The following RNF170 variants were observed in gnomAD, a reference collection of about 807,000 sequenced individuals.
The protein encoded by RNF170 is E3 ubiquitin-protein ligase RNF170.
Under a neutral mutation model 32.7 loss-of-function variants are expected in RNF170, and 12 were observed. The ratio of observed to expected loss-of-function variants is 0.37; its 90% confidence interval spans 0.24 to 0.60. The LOEUF (loss-of-function observed/expected upper bound fraction) is 0.60, where lower values mean the gene tolerates loss of function less well. Among genes scored for constraint, RNF170 ranks in the 20% least tolerant of loss-of-function variants. The pLI is 0.72. For missense variants in RNF170, 212 were observed against 311.2 expected, an observed-to-expected ratio of 0.68 and a Z score of 2.40; for synonymous variants, 91 against 103.6, an observed-to-expected ratio of 0.88 and a Z score of 0.74.
At chr8:42,889,516 C>G (rs1806119383) in intron 1 of RNF170, 2 of 151,988 alleles carry the variant, frequency 1.3e-5, no homozygotes, top group South Asian at 4.1e-4. Flanking sequence ...AAGTTTTATT[C>G]AATATCATCA....
intron 6 of RNF170, 66 bp from the exon 7 acceptor site, chr8:42,856,494 T>C: frequency 8.7e-7 from 1 of 1,150,150 alleles, no homozygotes; most frequent in Non-Finnish European, 1.3e-6. Flanking sequence ...AATAATATAA[T>C]TTTCTTACTA....
chr8:42,891,109 ACAGGCTCTAAACTGAAGCCCAAG>A (rs1385983990), intron 1 of RNF170, among the ~76,000 whole-genome samples: 2 of 152,202 alleles, frequency 1.3e-5, no homozygotes, highest in Non-Finnish European at 2.9e-5. Context: ...GTCCAACCAT[ACAGGCTCTAAACTGAAGCCCAAG>A]CAGTTGTTGC....
At chr8:42,873,336 T>C (rs908130619) in intron 3 of RNF170, among the ~76,000 whole-genome samples, 2 of 151,936 alleles carry the variant, frequency 1.3e-5, no homozygotes, top group South Asian at 2.1e-4. Flanking sequence ...GTTTGATCTA[T>C]AGGAAAGGAA....
At chr8:42,882,721 A>C (rs1805512127) in intron 2 of RNF170, among the ~76,000 whole-genome samples, 1 of 152,122 alleles carries the variant, frequency 6.6e-6, no homozygotes, top group Non-Finnish European at 1.5e-5. Flanking sequence ...GAACCATGGG[A>C]GTTGCTACTT....
chr8:42,869,410 CTAAG>C (rs1199838846), intron 4 of RNF170, among the ~76,000 whole-genome samples: 1 of 152,184 alleles, frequency 6.6e-6, no homozygotes, highest in Non-Finnish European at 1.5e-5. Context: ...CTTCCTGATA[CTAAG>C]TAAGTGTGAA....
chr8:42,853,338 T>C lies in RNF170; in HGVS notation c.*2821A>G, dbSNP rs1802997875. The C allele has an allele frequency of 2.4e-6, 3 of 1,230,158 alleles. No homozygotes were observed. In the South Asian group the frequency reaches 4.1e-5, roughly 17 times the overall value. The allele number at this position is 1,230,158 out of a possible 1,614,324, so 76.2% of individuals were successfully genotyped here. On this transcript the variant is annotated 3_prime_UTR_variant, in exon 7 of 7. Coordinates refer to ENST00000527424, the MANE Select transcript of RNF170 (RefSeq NM_030954.4). The stretch of plus-strand genomic sequence containing the variant: ...GTTGCTTTTATTCAAAAGAATAAAA[T>C]GCTTGACAAACTCTTTAATCACAAG...
intron 5 of RNF170, 55 bp downstream of exon 5, chr8:42,865,360 TA>T: frequency 7.2e-7 from 1 of 1,387,886 alleles, no homozygotes; most frequent in Non-Finnish European, 1.0e-6. Context: ...ACAAAAACTA[TA>T]AAAATGTACA....
intron 4 of RNF170, among the ~76,000 whole-genome samples, chr8:42,868,483 G>T (rs947098149): frequency 1.3e-5 from 2 of 152,162 alleles, no homozygotes; most frequent in African/African-American, 4.8e-5. Flanking sequence ...AAGTGGCTTC[G>T]AGTGTTTACT....
intron 2 of RNF170, among the ~76,000 whole-genome samples, chr8:42,887,332 CTAATA>C (rs1297005152): frequency 6.6e-6 from 1 of 151,998 alleles, no homozygotes; most frequent in Non-Finnish European, 1.5e-5. Flanking sequence ...AAAATTAATT[CTAATA>C]TTAGTTCCCT....
At position 42,869,053 on chromosome 8, in the gene RNF170, C is replaced by T. The variant is rs560633867; in HGVS notation, c.322+951G>A. 4.2e-3 allele frequency among the ~76,000 whole-genome samples: 645 copies of T among 151,998 alleles called. 1 individual carries two copies. The highest frequency in any genetic ancestry group is 7.4e-3 in the Non-Finnish European group (501 of 67,938). Reference sequence around the variant, plus strand: ...AGCCTCCCCAGTAGCTGGGATTGCACATGTGAGCTATTGCGCCTGGCTAAT... The same window carrying T: ...AGCCTCCCCAGTAGCTGGGATTGCATATGTGAGCTATTGCGCCTGGCTAAT... On this transcript the variant is annotated intron_variant, in intron 4 of 6. Coordinates refer to ENST00000527424, the MANE Select transcript of RNF170 (RefSeq NM_030954.4).
At position 42,855,555 on chromosome 8, in the gene RNF170, A is replaced by T. The variant is rs1372841471; in HGVS notation, c.*604T>A. On this transcript the variant is annotated 3_prime_UTR_variant, in exon 7 of 7. Coordinates refer to ENST00000527424, the MANE Select transcript of RNF170 (RefSeq NM_030954.4). ...TTCTATTGATTAAAATGTGTTCTGT[A>T]AACTAGAATATGATATCGAAGTATG... is the stretch of plus-strand genomic sequence containing the variant. The T allele has an allele frequency of 3.1e-6, 4 of 1,283,194 alleles. No homozygotes were observed. In the African/African-American group the frequency reaches 6.1e-5, roughly 20 times the overall value. 79.5% of individuals were successfully genotyped at this position (1,283,194 alleles called of 1,614,324 possible). A position where few individuals can be genotyped will look rare whatever the true frequency, so the allele number is the denominator to read the frequency against.
rs1227625276 is a variant in RNF170 at position 42,853,852 on chromosome 8, T to A, written c.*2307A>T. ...TAAGATCATTTAGTATTTTTTTATG[T>A]TACAAAATTTGGTACAATACACCTC... On this transcript the variant is annotated 3_prime_UTR_variant, in exon 7 of 7. Transcript: ENST00000527424. 2 of 1,286,772 alleles carry A rather than the reference T, an allele frequency of 1.6e-6. No individual in the cohort carries two copies. Among genetic ancestry groups the A allele is most frequent in the Admixed American group, 4.6e-5 (2 of 43,536 alleles). 79.7% of individuals were successfully genotyped at this position (1,286,772 alleles called of 1,614,324 possible). A position where few individuals can be genotyped will look rare whatever the true frequency, so the allele number is the denominator to read the frequency against.
In RNF170 at chr8:42,855,824, T is replaced by G. The variant is rs1163736135; in HGVS notation, c.*335A>C. 8.2e-7 allele frequency: 1 copy of G among 1,223,764 alleles called. No homozygotes were observed. The highest frequency in any genetic ancestry group is 1.1e-6 in the Non-Finnish European group (1 of 936,806). 75.8% of individuals were successfully genotyped at this position (1,223,764 alleles called of 1,614,324 possible). A position where few individuals can be genotyped will look rare whatever the true frequency, so the allele number is the denominator to read the frequency against. ...GATAAACTGACATTTAACAATATTT[T>G]ACTATACATCTAATTAATCTAAGTA... On this transcript the variant is annotated 3_prime_UTR_variant, in exon 7 of 7. Transcript: ENST00000527424.
At chr8:42,896,848 C>A (rs1340033780), upstream of RNF170, 1 of 251,020 alleles carries the variant, frequency 4.0e-6, no homozygotes, top group Non-Finnish European at 7.6e-6. Context: ...GCCAGGGCGG[C>A]GGCGCTGGGG....
chr8:42,849,917 A>G (rs1382528511), downstream of RNF170: 6 of 152,316 alleles, frequency 3.9e-5, no homozygotes, highest in Non-Finnish European at 7.3e-5. Flanking sequence ...TTAGGGAGGC[A>G]GATAGCAAAC....
At chr8:42,890,633 A>C (rs765315719) in intron 1 of RNF170, among the ~76,000 whole-genome samples, 3 of 152,218 alleles carry the variant, frequency 2.0e-5, no homozygotes, top group Admixed American at 2.0e-4. Context: ...TCAGAGATCC[A>C]GGATATTTAA....
At chr8:42,860,257 C>G (rs1803559384) in intron 6 of RNF170, among the ~76,000 whole-genome samples, 1 of 152,096 alleles carries the variant, frequency 6.6e-6, no homozygotes, top group African/African-American at 2.4e-5. Flanking sequence ...AGTACTTATT[C>G]AGTTTTACAT....
intron 1 of RNF170, among the ~76,000 whole-genome samples, chr8:42,894,419 T>A (rs1192715857): frequency 6.6e-6 from 1 of 152,190 alleles, no homozygotes; most frequent in Non-Finnish European, 1.5e-5. Context: ...ACTCACTGAC[T>A]TCATTCACTT....
In RNF170 at chr8:42,857,221, G is replaced by A. The variant is rs545162311; in HGVS notation, c.508-793C>T. Among the ~76,000 whole-genome samples, 15 of 152,284 alleles carry A rather than the reference G, an allele frequency of 9.9e-5. No homozygotes were observed. The South Asian group carries it at 2.7e-3, about 27-fold the overall frequency. ...TTGAGAGGGAGATGGAGACAAAAAC[G>A]CAAAGAACTGAGCAAGTGAGGAGAA... On this transcript the variant is annotated intron_variant, in intron 6 of 6. Coordinates refer to ENST00000527424, the MANE Select transcript of RNF170 (RefSeq NM_030954.4).
Sources: allele counts gnomAD v4.1 joint callset (sites outside exome capture counted in the v4.1 genomes callset), GRCh38; gene constraint gnomAD v4.1.1; transcripts MANE v1.5; gene names NCBI Gene and HGNC (gene_info 2026-07-23, HGNC 2026-07-21).